PRR16: variants seen among roughly 807,000 people sequenced by gnomAD.
PRR16 encodes protein Largen.
A neutral mutation model predicts 18.2 loss-of-function variants in PRR16; 6 were observed. The observed-to-expected ratio is 0.33, with a 90% CI of 0.18 to 0.65. The LOEUF is 0.65. PRR16 is among the 30% of genes least tolerant of loss of function. The pLI, the probability that PRR16 is intolerant of heterozygous loss-of-function variation, is 0.74. For missense variants in PRR16, 412 were observed against 376.6 expected (o/e 1.09, Z -0.78); for synonymous variants, 151 against 147.8 (o/e 1.02, Z -0.16).
At chr5:120,697,866 T>G in the PRR16 span, among the ~76,000 whole-genome samples, 1 of 149,430 alleles carries the variant, frequency 6.7e-6, no homozygotes, top group South Asian at 2.1e-4. Context: ...TAAGACAAAC[T>G]TAAGACAAAA....
At chr5:120,790,174 T>TG in the PRR16 span, 5 of 151,966 alleles carry the variant, frequency 3.3e-5, no homozygotes, top group Non-Finnish European at 7.4e-5. Context: ...AGCAGAGCCT[T>TG]GGGGGTAAAA....
chr5:120,624,892 T>G (rs890078588), intron 1 of PRR16, among the ~76,000 whole-genome samples: 3 of 152,042 alleles, frequency 2.0e-5, no homozygotes, highest in Non-Finnish European at 4.4e-5. Flanking sequence ...TGAATAAGTC[T>G]CATGAGATCT....
chr5:120,524,052 A>T (rs1296684620), intron 1 of PRR16, among the ~76,000 whole-genome samples: 1 of 152,142 alleles, frequency 6.6e-6, no homozygotes, highest in African/African-American at 2.4e-5. Context: ...GTTATATAAC[A>T]TTCATTGTTA....
chr5:120,494,994 C>T (rs907737849), intron 1 of PRR16, among the ~76,000 whole-genome samples: 6 of 151,994 alleles, frequency 3.9e-5, no homozygotes, highest in Non-Finnish European at 5.9e-5. Context: ...ACTGTAGCCA[C>T]GTAAGTCTTG....
intron 1 of PRR16, among the ~76,000 whole-genome samples, chr5:120,562,237 C>T (rs1247975215): frequency 2.0e-5 from 3 of 151,920 alleles, no homozygotes; most frequent in Non-Finnish European, 4.4e-5. Context: ...ATAATGGCCT[C>T]CTTTGTCTTT....
chr5:120,512,042 G>C (rs939636502), intron 1 of PRR16, among the ~76,000 whole-genome samples: 1 of 133,652 alleles, frequency 7.5e-6, no homozygotes, highest in Non-Finnish European at 1.6e-5. Context: ...TATTTTATTA[G>C]TGTAGTCAAG....
At chr5:120,614,768 C>G (rs963044726) in intron 1 of PRR16, among the ~76,000 whole-genome samples, 2 of 152,174 alleles carry the variant, frequency 1.3e-5, no homozygotes, top group African/African-American at 2.4e-5. Flanking sequence ...AGAACAGAAT[C>G]TATACTGTCA....
intron 1 of PRR16, among the ~76,000 whole-genome samples, chr5:120,647,793 C>T (rs1423870609): frequency 6.6e-6 from 1 of 152,010 alleles, no homozygotes; most frequent in African/African-American, 2.4e-5. Context: ...ATCTTCATGC[C>T]ATTTACTAAA....
chr5:120,702,300 C>T, the PRR16 span, among the ~76,000 whole-genome samples: 5 of 146,888 alleles, frequency 3.4e-5, no homozygotes, highest in East Asian at 4.1e-4. Context: ...ATTGGGGCGC[C>T]GAGATAAGAG....
intron 1 of PRR16, among the ~76,000 whole-genome samples, chr5:120,679,857 T>G (rs571715214): frequency 2.1e-3 from 327 of 152,144 alleles, no homozygotes; most frequent in Non-Finnish European, 3.2e-3. Context: ...GGACAGAGAA[T>G]GGGGAAATGT....
chr5:120,549,917 C>A (rs1194404975), intron 1 of PRR16, among the ~76,000 whole-genome samples: 1 of 151,822 alleles, frequency 6.6e-6, no homozygotes, highest in African/African-American at 2.4e-5. Context: ...TTTTATAATT[C>A]CTCACAGAAA....
chr5:120,779,272 A>ACAGGGATTTAGGATGAAAAAGTTTT, the PRR16 span, among the ~76,000 whole-genome samples: 4 of 152,228 alleles, frequency 2.6e-5, no homozygotes, highest in Non-Finnish European at 4.4e-5. Context: ...GAGCAGGAAA[A>ACAGGGATTTAGGATGAAAAAGTTTT]CAGGGATTTA....
intron 1 of PRR16, among the ~76,000 whole-genome samples, chr5:120,467,155 G>C (rs574464710): frequency 6.6e-6 from 1 of 152,252 alleles, no homozygotes; most frequent in African/African-American, 2.4e-5. Flanking sequence ...TACAAAGCTT[G>C]TTGGTTGCTG....
the PRR16 span, among the ~76,000 whole-genome samples, chr5:120,753,244 C>T: frequency 6.6e-6 from 1 of 151,872 alleles, no homozygotes; most frequent in African/African-American, 2.4e-5. Flanking sequence ...TAAGAAATGG[C>T]CTTTGAATCT....
intron 1 of PRR16, among the ~76,000 whole-genome samples, chr5:120,564,766 C>T (rs1752682656): frequency 6.6e-6 from 1 of 152,016 alleles, no homozygotes; most frequent in Non-Finnish European, 1.5e-5. Flanking sequence ...TTGGGCGGAT[C>T]ACGAGGTCAG....
the PRR16 span, among the ~76,000 whole-genome samples, chr5:120,747,347 A>G: frequency 6.6e-6 from 1 of 152,174 alleles, no homozygotes; most frequent in East Asian, 1.9e-4. Context: ...TTAATTTGAT[A>G]TGTAAATTAA....
chr5:120,605,566 G>T (rs1025529117), intron 1 of PRR16, among the ~76,000 whole-genome samples: 1 of 152,108 alleles, frequency 6.6e-6, no homozygotes, highest in African/African-American at 2.4e-5. Context: ...CAGCTAGTGT[G>T]GTCACGTGGA....
chr5:120,645,507 G>A (rs951888239), intron 1 of PRR16, among the ~76,000 whole-genome samples: 1 of 151,672 alleles, frequency 6.6e-6, no homozygotes, highest in African/African-American at 2.4e-5. Flanking sequence ...AGTCATATTA[G>A]ATCCTGTGGA....
At chr5:120,480,960 G>A (rs1387837397) in intron 1 of PRR16, among the ~76,000 whole-genome samples, 1 of 151,972 alleles carries the variant, frequency 6.6e-6, no homozygotes, top group African/African-American at 2.4e-5. Flanking sequence ...GTAAATAGAT[G>A]AGGTCCGATT....
Sources: gnomAD v4.1 joint callset for allele counts (sites outside exome capture counted in the v4.1 genomes callset) on GRCh38, gnomAD v4.1.1 for gene constraint, MANE v1.5 for transcripts, NCBI Gene and HGNC (gene_info 2026-07-23, HGNC 2026-07-21) for gene names.